RELB: variants seen among roughly 807,000 people sequenced by gnomAD.
RELB encodes the protein transcription factor RelB.
Under a neutral mutation model 55.4 loss-of-function variants are expected in RELB, and 14 were observed. The observed-to-expected ratio is 0.25, with a 90% CI of 0.17 to 0.40. The LOEUF is 0.40. Ranked by LOEUF, RELB falls within the 10% of genes least tolerant of loss-of-function variation. The pLI is 1.00. For synonymous variants in RELB, 409 were observed against 371.3 expected, an observed-to-expected ratio of 1.10 and a Z score of -1.17; for missense variants, 669 against 830.7, an observed-to-expected ratio of 0.81 and a Z score of 2.39.
At chr19:45,003,079 G>A (rs1971234616) in intron 2 of RELB, 83 bp downstream of exon 2, 4 of 1,331,412 alleles carry the variant, frequency 3.0e-6, no homozygotes, top group Non-Finnish European at 3.1e-6. Context: ...TCTGTTTGGG[G>A]GTTCACGAGG....
intron 2 of RELB, among the ~76,000 whole-genome samples, chr19:45,007,905 C>G (rs1971301707): frequency 6.9e-6 from 1 of 145,904 alleles, no homozygotes; most frequent in South Asian, 2.2e-4. Flanking sequence ...GCCTGTAATC[C>G]CAGCACTTTA....
At chr19:45,026,346 T>C (rs1303921001) in intron 7 of RELB, among the ~76,000 whole-genome samples, 1 of 151,790 alleles carries the variant, frequency 6.6e-6, no homozygotes, top group Non-Finnish European at 1.5e-5. Flanking sequence ...GAGGCTGCAG[T>C]GAGCTGTGAT....
At chr19:45,009,738 T>A in intron 2 of RELB, 76 bp from the exon 3 acceptor site, 1 of 1,529,410 alleles carries the variant, frequency 6.5e-7, no homozygotes, top group Non-Finnish European at 9.0e-7. Flanking sequence ...GGTTGGGGAA[T>A]CTGTCTTAAA....
intron 2 of RELB, 112 bp downstream of exon 2, chr19:45,003,108 T>G: frequency 9.8e-7 from 1 of 1,023,452 alleles, no homozygotes; most frequent in Non-Finnish European, 1.5e-6. Flanking sequence ...AGCTTTCTCC[T>G]GACAGGGTGC....
chr19:45,005,452 C>T (rs1004484419), intron 2 of RELB, among the ~76,000 whole-genome samples: 1 of 152,120 alleles, frequency 6.6e-6, no homozygotes, highest in African/African-American at 2.4e-5. Context: ...GGGTCTGGGC[C>T]TTTCTCTGGA....
Position 45,012,151 on chromosome 19 carries a change from C to A in RELB, c.379C>A (p.Leu127Met). 1 of 1,563,552 alleles carries A rather than the reference C, an allele frequency of 6.4e-7. No homozygotes were observed. The highest frequency in any genetic ancestry group is 1.2e-5 in the South Asian group (1 of 85,502). Reference protein sequence around the residue: ...PAPGPGPQPHLVITEQPKQRG... With the variant: ...PAPGPGPQPHMVITEQPKQRG... The stretch of plus-strand genomic sequence containing the variant: ...GCCGGGCCCGGGCCCGCAGCCGCAC[C>A]TGGTCATCACGGAGCAGCCCAAGCA... The change falls in exon 4 of 12, where the codon CTG (leucine) becomes ATG (methionine). Residue 127 changes from leucine to methionine, a missense_variant. This residue lies in a region of RELB where 323 missense variants were observed against 368.5 expected (regional missense o/e 0.88). Coordinates refer to ENST00000221452, the MANE Select transcript of RELB (RefSeq NM_006509.4).
intron 2 of RELB, among the ~76,000 whole-genome samples, chr19:45,007,583 C>T (rs897083268): frequency 3.3e-5 from 5 of 152,112 alleles, no homozygotes; most frequent in African/African-American, 1.2e-4. Flanking sequence ...CATGGCCAGG[C>T]GTGGTGGCTC....
At chr19:45,002,526 T>C (rs1293034712) in intron 1 of RELB, among the ~76,000 whole-genome samples, 1 of 152,124 alleles carries the variant, frequency 6.6e-6, no homozygotes, top group African/African-American at 2.4e-5. Context: ...CTAATTTTTG[T>C]AGTTTTACTA....
chr19:45,020,284 C>T lies in RELB; in HGVS notation c.505-1769C>T, dbSNP rs150564522. Among the ~76,000 whole-genome samples the T allele has an allele frequency of 1.4e-3, 214 of 150,920 alleles. 1 individual carries two copies. Among genetic ancestry groups the T allele is most frequent in the African/African-American group, 4.7e-3 (191 of 41,064 alleles). ...TGTCACCCAGGCTGGAGTGCAGTGACGCAATCTGGGCTCATTGCAACTTCC... is the reference window on the plus strand; with the variant it reads ...TGTCACCCAGGCTGGAGTGCAGTGATGCAATCTGGGCTCATTGCAACTTCC... On this transcript the variant is annotated intron_variant, in intron 4 of 11. Transcript: ENST00000221452.
intron 7 of RELB, among the ~76,000 whole-genome samples, chr19:45,026,316 T>C (rs546225405): frequency 6.6e-6 from 1 of 151,782 alleles, no homozygotes; most frequent in Non-Finnish European, 1.5e-5. Flanking sequence ...GGTGGGAAGA[T>C]TGCTTGAGCC....
chr19:45,027,681 A>G (rs1359987994), intron 7 of RELB, among the ~76,000 whole-genome samples: 1 of 152,004 alleles, frequency 6.6e-6, no homozygotes, highest in Non-Finnish European at 1.5e-5. Context: ...CCAGTTACTA[A>G]GATGAGGGGT....
chr19:45,002,857 C>T, intron 1 of RELB, 92 bp from the exon 2 acceptor site: 1 of 1,071,952 alleles, frequency 9.3e-7, no homozygotes, highest in Non-Finnish European at 1.4e-6. Context: ...AGGGGAAGGG[C>T]TAGAAGAGGA....
At chr19:45,027,871 T>A (rs974183330) in intron 7 of RELB, among the ~76,000 whole-genome samples, 4 of 152,122 alleles carry the variant, frequency 2.6e-5, no homozygotes, top group African/African-American at 4.8e-5. Flanking sequence ...AAACATTTTT[T>A]AAAAATTATT....
rs190792823 is a variant in RELB at position 45,006,696 on chromosome 19, C to T, written c.155-3118C>T. Among the ~76,000 whole-genome samples the T allele has an allele frequency of 5.3e-5, 8 of 151,538 alleles. No individual in the cohort carries two copies. In the East Asian group the frequency reaches 1.4e-3, roughly 26 times the overall value. Reference sequence around the variant, plus strand: ...ATAAAACAGGCTGGGTGTGGTGGCTCATGCCTGTAATCCCAGCACTTTGGG... The same window carrying T: ...ATAAAACAGGCTGGGTGTGGTGGCTTATGCCTGTAATCCCAGCACTTTGGG... On this transcript the variant is annotated intron_variant, in intron 2 of 11. Transcript: ENST00000221452.
chr19:45,012,595 T>C lies in RELB; in HGVS notation c.504+319T>C, dbSNP rs142571911. Among the ~76,000 whole-genome samples the C allele has an allele frequency of 8.0e-3, 1,219 of 151,690 alleles. 12 individuals carry two copies. Among genetic ancestry groups the C allele is most frequent in the South Asian group, 0.035 (166 of 4,790 alleles). On this transcript the variant is annotated intron_variant, in intron 4 of 11. Coordinates refer to ENST00000221452, the MANE Select transcript of RELB (RefSeq NM_006509.4). ...CCCATCTGTACTAAAAGTACACAAA[T>C]TAGCCGAGTGTGGTGGCACAATCCC... is the stretch of plus-strand genomic sequence containing the variant.
chr19:45,037,683 G>A lies in RELB; in HGVS notation c.1633G>A (p.Gly545Arg), dbSNP rs1310938299. 9.6e-6 allele frequency: 15 copies of A among 1,563,340 alleles called. No homozygotes were observed. Among genetic ancestry groups the A allele is most frequent in the Admixed American group, 4.0e-5 (2 of 50,556 alleles). Residue 545 changes from glycine to arginine, a missense_variant, in exon 12 of 12, where the codon GGG becomes AGG. Coordinates refer to ENST00000221452, the MANE Select transcript of RELB (RefSeq NM_006509.4). ...GGACTCGTACCAGGCCCCGGGCCCC[G>A]GGGATGGAGGCACCGCCAGCCTTGT... The part of the protein sequence containing the change: ...TLDSYQAPGP[G>R]DGGTASLVGS...
At chr19:45,005,793 G>A (rs891186177) in intron 2 of RELB, among the ~76,000 whole-genome samples, 3 of 152,150 alleles carry the variant, frequency 2.0e-5, no homozygotes, top group African/African-American at 2.4e-5. Context: ...TAGTAGAGAC[G>A]GGGTTTTGCC....
intron 4 of RELB, among the ~76,000 whole-genome samples, chr19:45,014,196 G>A (rs747045302): frequency 6.8e-6 from 1 of 147,034 alleles, no homozygotes; most frequent in Non-Finnish European, 1.5e-5. Flanking sequence ...TGGAGACAGG[G>A]TCTCTCTCTG....
At chr19:45,003,915 GTTT>G (rs1039624578) in intron 2 of RELB, among the ~76,000 whole-genome samples, 62 of 63,570 alleles carry the variant, frequency 9.8e-4, no homozygotes, top group Non-Finnish European at 1.0e-3. Flanking sequence ...TGTTTTTTGT[GTTT>G]TTTTTTTTTT....
Sources: gnomAD v4.1 joint callset for allele counts (sites outside exome capture counted in the v4.1 genomes callset) on GRCh38, gnomAD v4.1.1 for gene constraint, gnomAD v4.1.1 regional missense constraint, MANE v1.5 for transcripts, NCBI Gene and HGNC (gene_info 2026-07-23, HGNC 2026-07-21) for gene names.